The following EYS variants were observed in gnomAD, a reference collection of about 807,000 sequenced individuals.
EYS encodes the protein protein eyes shut homolog.
EYS carries 250 observed loss-of-function variants against 282.1 expected under a neutral mutation model. That is an observed-to-expected ratio of 0.89 (90% CI 0.80 to 0.98). The LOEUF (loss-of-function observed/expected upper bound fraction) is 0.98. EYS is among the 50% of genes least tolerant of loss of function. EYS has a pLI of 0.00. For missense variants in EYS, 4,016 were observed against 3,709.0 expected (o/e 1.08, Z -2.15); for synonymous variants, 1,355 against 1,282.9 (o/e 1.06, Z -1.20).
intron 13 of EYS, among the ~76,000 whole-genome samples, chr6:65,049,725 T>C (rs1276988366): frequency 1.3e-5 from 2 of 151,732 alleles, no homozygotes; most frequent in Non-Finnish European, 3.0e-5. Flanking sequence ...TATAATTTTG[T>C]CTCATTGTTA....
chr6:65,285,804 G>A (rs1768346763), intron 12 of EYS, among the ~76,000 whole-genome samples: 1 of 151,906 alleles, frequency 6.6e-6, no homozygotes, highest in South Asian at 2.1e-4. Flanking sequence ...CTGTTAGAAA[G>A]AGAATGGAAT....
intron 30 of EYS, among the ~76,000 whole-genome samples, chr6:64,274,481 G>GTTTT (rs10640761): frequency 0.51 from 46,958 of 91,738 alleles, 12,913 homozygotes; most frequent in Non-Finnish European, 0.56. Context: ...ACGCCTGGCC[G>GTTTT]TTTTTTTTTT....
intron 8 of EYS, among the ~76,000 whole-genome samples, chr6:65,379,627 C>G (rs576226606): frequency 1.3e-4 from 20 of 151,922 alleles, no homozygotes; most frequent in East Asian, 3.9e-4. Context: ...AGCAATCAAG[C>G]AAGAGAAAGA....
intron 34 of EYS, among the ~76,000 whole-genome samples, chr6:63,987,017 T>C (rs1386301201): frequency 2.6e-5 from 4 of 151,714 alleles, no homozygotes; most frequent in Admixed American, 6.6e-5. Flanking sequence ...AGAGACTCTG[T>C]AAAATTAGGC....
intron 11 of EYS, among the ~76,000 whole-genome samples, chr6:65,300,684 A>G (rs934333075): frequency 7.9e-5 from 12 of 152,086 alleles, no homozygotes; most frequent in Admixed American, 6.5e-4. Flanking sequence ...TTTTCTAGTG[A>G]CTTTATTGCA....
At chr6:64,434,652 A>G (rs2150462497) in intron 28 of EYS, among the ~76,000 whole-genome samples, 1 of 151,974 alleles carries the variant, frequency 6.6e-6, no homozygotes, top group South Asian at 2.1e-4. Context: ...AGCAGCCTTG[A>G]GATTGTGTCA....
intron 36 of EYS, among the ~76,000 whole-genome samples, chr6:63,841,914 C>T (rs1244522887): frequency 4.6e-5 from 7 of 152,226 alleles, no homozygotes; most frequent in Non-Finnish European, 1.0e-4. Context: ...CCAGCTTCAT[C>T]TATGTCCTTG....
chr6:64,838,374 T>C (rs1310846918), intron 19 of EYS, among the ~76,000 whole-genome samples: 1 of 151,894 alleles, frequency 6.6e-6, no homozygotes, highest in Non-Finnish European at 1.5e-5. Context: ...TGTCTGAAGA[T>C]CCAGGACCAG....
intron 26 of EYS, among the ~76,000 whole-genome samples, chr6:64,584,481 AC>A (rs1371450540): frequency 6.6e-6 from 1 of 151,904 alleles, no homozygotes; most frequent in Admixed American, 6.6e-5. Flanking sequence ...TTTTTTATTA[AC>A]AAATAATCCT....
intron 35 of EYS, among the ~76,000 whole-genome samples, chr6:63,925,836 G>A (rs549847270): frequency 1.3e-5 from 2 of 152,252 alleles, no homozygotes; most frequent in East Asian, 3.9e-4. Flanking sequence ...AGTAGAGACG[G>A]GGTTTCACCG....
chr6:64,424,249 C>G (rs1433376482), intron 28 of EYS, among the ~76,000 whole-genome samples: 1 of 152,094 alleles, frequency 6.6e-6, no homozygotes, highest in Non-Finnish European at 1.5e-5. Context: ...AATATGCACA[C>G]AGATATAAAA....
intron 35 of EYS, among the ~76,000 whole-genome samples, chr6:63,878,850 T>C (rs1416350268): frequency 6.6e-6 from 1 of 152,148 alleles, no homozygotes. Context: ...GGTGGGAGTG[T>C]CCCGATTTTC....
At chr6:64,628,107 C>G (rs189175186) in intron 22 of EYS, among the ~76,000 whole-genome samples, 142 of 152,052 alleles carry the variant, frequency 9.3e-4, no homozygotes, top group African/African-American at 3.3e-3. Flanking sequence ...AACAAACAAA[C>G]AAACAAAGAC....
chr6:64,890,927 AT>A (rs1036616454), intron 18 of EYS, among the ~76,000 whole-genome samples: 1 of 151,906 alleles, frequency 6.6e-6, no homozygotes, highest in East Asian at 1.9e-4. Flanking sequence ...CAAGACCATT[AT>A]TTTTTCTTAC....
intron 26 of EYS, among the ~76,000 whole-genome samples, chr6:64,441,582 C>G (rs1475391929): frequency 6.6e-6 from 1 of 152,090 alleles, no homozygotes; most frequent in Non-Finnish European, 1.5e-5. Flanking sequence ...TCATTGATAT[C>G]GTTTGGCTCT....
At chr6:65,067,945 G>A (rs184734617) in intron 12 of EYS, among the ~76,000 whole-genome samples, 1 of 152,048 alleles carries the variant, frequency 6.6e-6, no homozygotes, top group African/African-American at 2.4e-5. Context: ...TCACATGCTA[G>A]CAGGTTAATA....
chr6:65,014,925 G>A (rs1771994545), intron 13 of EYS, among the ~76,000 whole-genome samples: 1 of 152,116 alleles, frequency 6.6e-6, no homozygotes, highest in South Asian at 2.1e-4. Flanking sequence ...ATAATCATAA[G>A]GGTCTTCCAA....
intron 2 of EYS, among the ~76,000 whole-genome samples, chr6:65,632,432 T>C (rs1453799626): frequency 6.6e-6 from 1 of 152,154 alleles, no homozygotes; most frequent in Non-Finnish European, 1.5e-5. Context: ...ATGTAAGAAA[T>C]CCGCACTTAT....
chr6:65,107,391 A>G (rs182571206), intron 12 of EYS, among the ~76,000 whole-genome samples: 6 of 136,074 alleles, frequency 4.4e-5, no homozygotes, highest in Admixed American at 4.3e-4. Context: ...TTATTGTTAT[A>G]TAACACCTAC....
Sources: gnomAD v4.1 joint callset for allele counts (sites outside exome capture counted in the v4.1 genomes callset) on GRCh38, gnomAD v4.1.1 for gene constraint, MANE v1.5 for transcripts, NCBI Gene and HGNC (gene_info 2026-07-23, HGNC 2026-07-21) for gene names.